The following MIB1 variants were observed in gnomAD, a reference collection of about 807,000 sequenced individuals.
MIB1 encodes E3 ubiquitin-protein ligase MIB1.
A neutral mutation model predicts 124.5 loss-of-function variants in MIB1; 278 were observed. The observed-to-expected ratio is 2.23, with a 90% confidence interval of 2.02 to 2.47. MIB1 has a LOEUF of 2.47. MIB1 is among the 30% of genes most tolerant of loss of function. The pLI is 0.00. For synonymous variants in MIB1, 446 were observed against 429.4 expected (o/e 1.04, Z -0.48); for missense variants, 957 against 1,254.4 (o/e 0.76, Z 3.58).
At position 21,870,433 on chromosome 18, in the gene MIB1, C is replaced by A. The variant is rs915371531; in HGVS notation, c.*5767C>A. 2 of 152,090 alleles carry A rather than the reference C, an allele frequency of 1.3e-5. No homozygotes were observed. Among genetic ancestry groups the A allele is most frequent in the Non-Finnish European group, 2.9e-5 (2 of 67,988 alleles). The allele number at this position is 152,090 out of a possible 1,614,324, so 9.4% of individuals were successfully genotyped here. On this transcript the variant is annotated 3_prime_UTR_variant, in exon 21 of 21. Coordinates refer to ENST00000261537, the MANE Select transcript of MIB1 (RefSeq NM_020774.4). ...CAAAGAAGCATTTCATATTTTAACA[C>A]CTCACATTCTTTCAGGATTAAGACA... is the stretch of plus-strand genomic sequence containing the variant.
chr18:21,769,801 G>GT (rs2041204948), intron 3 of MIB1, among the ~76,000 whole-genome samples: 1 of 152,134 alleles, frequency 6.6e-6, no homozygotes, highest in Non-Finnish European at 1.5e-5. Flanking sequence ...GAACTTCCTG[G>GT]TTTTTTCTGT....
chr18:21,778,281 GA>G (rs1162734675), intron 5 of MIB1, 112 bp downstream of exon 5: 3 of 697,390 alleles, frequency 4.3e-6, no homozygotes, highest in Non-Finnish European at 6.9e-6. Flanking sequence ...GTTACTTAGA[GA>G]AAAAATTTTT....
intron 10 of MIB1, among the ~76,000 whole-genome samples, chr18:21,805,326 A>G (rs1460379281): frequency 2.0e-5 from 3 of 152,140 alleles, no homozygotes; most frequent in Non-Finnish European, 4.4e-5. Flanking sequence ...TGAATTTTAA[A>G]TTAGCATATT....
chr18:21,843,956 G>A, intron 14 of MIB1, 136 bp from the exon 15 acceptor site: 1 of 762,472 alleles, frequency 1.3e-6, no homozygotes, highest in South Asian at 2.0e-5. Flanking sequence ...AGAGTAGAAG[G>A]CAAAAGCATA....
intron 1 of MIB1, among the ~76,000 whole-genome samples, chr18:21,718,865 A>G (rs1285443139): frequency 6.6e-6 from 1 of 152,138 alleles, no homozygotes; most frequent in African/African-American, 2.4e-5. Flanking sequence ...AGTCTAGTCA[A>G]CATAGTGAGA....
At chr18:21,827,826 A>G (rs191755801) in intron 12 of MIB1, 3 of 152,022 alleles carry the variant, frequency 2.0e-5, no homozygotes, top group Non-Finnish European at 4.4e-5. Flanking sequence ...ACAGAAAATG[A>G]ACTATAGTTA....
intron 12 of MIB1, chr18:21,829,450 A>G (rs910760907): frequency 2.0e-4 from 31 of 155,574 alleles, no homozygotes; most frequent in African/African-American, 7.2e-4. Context: ...CTGCTTCTAG[A>G]TCCTACAGGT....
intron 7 of MIB1, among the ~76,000 whole-genome samples, chr18:21,792,747 A>G (rs2041521964): frequency 6.6e-6 from 1 of 152,236 alleles, no homozygotes; most frequent in Non-Finnish European, 1.5e-5. Flanking sequence ...AGATGAGGAA[A>G]TCAGAGGTGC....
chr18:21,861,117 C>CT (rs2042272858), intron 20 of MIB1, among the ~76,000 whole-genome samples: 1 of 152,104 alleles, frequency 6.6e-6, no homozygotes, highest in South Asian at 2.1e-4. Context: ...GATGAAAACT[C>CT]TGATTAGGCC....
At chr18:21,721,324 G>A (rs2040715106) in intron 1 of MIB1, among the ~76,000 whole-genome samples, 1 of 151,362 alleles carries the variant, frequency 6.6e-6, no homozygotes, top group Non-Finnish European at 1.5e-5. Flanking sequence ...GGGATTACAA[G>A]CATACACCGC....
chr18:21,815,219 A>G (rs2041819478), intron 10 of MIB1, among the ~76,000 whole-genome samples: 1 of 151,554 alleles, frequency 6.6e-6, no homozygotes, highest in African/African-American at 2.4e-5. Context: ...CCCCGGTCAG[A>G]GTGCAGTGGT....
chr18:21,780,950 CCATACTGTTTCT>C (rs939828289), intron 6 of MIB1, among the ~76,000 whole-genome samples: 3 of 152,150 alleles, frequency 2.0e-5, no homozygotes, highest in Non-Finnish European at 2.9e-5. Context: ...TGAGGAACCT[CCATACTGTTTCT>C]CATAGTGGCT....
At chr18:21,710,953 A>G (rs1323071338) in intron 1 of MIB1, among the ~76,000 whole-genome samples, 1 of 151,670 alleles carries the variant, frequency 6.6e-6, no homozygotes, top group Non-Finnish European at 1.5e-5. Context: ...CAGCCTCCCA[A>G]GTAGCTGGGA....
intron 5 of MIB1, among the ~76,000 whole-genome samples, chr18:21,779,108 CATTCATATTCTCTA>C (rs2041327464): frequency 1.3e-5 from 2 of 151,966 alleles, no homozygotes; most frequent in African/African-American, 4.8e-5. Flanking sequence ...CCAGGGCTTT[CATTCATATTCTCTA>C]GTTAGTTATT....
chr18:21,849,783 AT>A (rs2042166371), intron 17 of MIB1, among the ~76,000 whole-genome samples: 1 of 152,108 alleles, frequency 6.6e-6, no homozygotes, highest in Non-Finnish European at 1.5e-5. Context: ...AGTTACTTAT[AT>A]GTTGCACTTT....
Position 21,741,779 on chromosome 18 carries a change from T to TAA in MIB1, c.197_198insAA (p.Tyr66Ter). Residue 66 changes from tyrosine to a stop codon, truncating the protein, a stop_gained and frameshift_variant, in exon 1 of 21, where the codon TAC becomes TAAAC. Transcript: ENST00000261537. LOFTEE classifies it high-confidence loss of function. The surrounding 1 kb of genome is among the most constrained non-coding windows in gnomAD (Gnocchi z 5.4). ...TGCCAACTACCGCTGCTCCGGGGCT[T>TAA]ACGACCTCCGCATCCTGGACAGCGC... ...TAANYRCSGA[Y>*]DLRILDSAPT... The TAA allele has an allele frequency of 6.2e-7, 1 of 1,608,276 alleles. No individual in the cohort carries two copies. The highest frequency in any genetic ancestry group is 8.5e-7 in the Non-Finnish European group (1 of 1,178,218).
Position 21,847,055 on chromosome 18 carries a change from T to C in MIB1, c.2323T>C (p.Ser775Pro). ...GAGCATTCGAAATAAGAAGGGTCAA[T>C]CGCCACTTGATCTCTGTCCTGATCC... ...DLSIRNKKGQ[S>P]PLDLCPDPNL... Residue 775 changes from serine (S) to proline (P), a missense_variant, in exon 16 of 21, where the codon TCG becomes CCG. Coordinates refer to ENST00000261537, the MANE Select transcript of MIB1 (RefSeq NM_020774.4). The C allele has an allele frequency of 1.2e-6, 2 of 1,614,170 alleles. No homozygotes were observed. The highest frequency in any genetic ancestry group is 1.7e-6 in the Non-Finnish European group (2 of 1,180,032).
intron 18 of MIB1, 132 bp from the exon 19 acceptor site, chr18:21,856,998 G>T: frequency 1.5e-6 from 1 of 648,754 alleles, no homozygotes; most frequent in South Asian, 1.9e-5. Flanking sequence ...TAAGGAGGTA[G>T]AATTGCATAT....
intron 1 of MIB1, among the ~76,000 whole-genome samples, chr18:21,763,524 G>A (rs1347442028): frequency 1.3e-5 from 2 of 152,054 alleles, no homozygotes; most frequent in South Asian, 2.1e-4. Context: ...TTTCTAAGGC[G>A]AGTTTCTATC....
Sources: gnomAD v4.1 joint callset for allele counts (sites outside exome capture counted in the v4.1 genomes callset) on GRCh38, gnomAD v4.1.1 for gene constraint, Gnocchi (gnomAD v3.1) non-coding constraint, MANE v1.5 for transcripts, NCBI Gene and HGNC (gene_info 2026-07-23, HGNC 2026-07-21) for gene names.